Variants in LRRC63 observed in about 807,000 individuals in gnomAD.
The protein encoded by LRRC63 is leucine-rich repeat-containing protein 63.
LRRC63 carries 40 observed loss-of-function variants against 49.5 expected under a neutral mutation model. That is an observed-to-expected ratio of 0.81 (90% CI 0.63 to 1.05). LRRC63 has a LOEUF of 1.05. Among genes scored for constraint, LRRC63 ranks in the 50% least tolerant of loss-of-function variants. The pLI is 0.00. For missense variants in LRRC63, 636 were observed against 663.1 expected, an observed-to-expected ratio of 0.96 and a Z score of 0.45; for synonymous variants, 191 against 221.1, an observed-to-expected ratio of 0.86 and a Z score of 1.21.
chr13:46,270,027 A>G (rs1176034581), intron 9 of LRRC63: 1 of 472,512 alleles, frequency 2.1e-6, no homozygotes, highest in East Asian at 4.0e-5. Context: ...CTATACATGC[A>G]TATCTATAAT....
chr13:46,261,169 G>A (rs115669064), intron 7 of LRRC63, among the ~76,000 whole-genome samples: 1,825 of 152,262 alleles, frequency 0.012, 32 homozygotes, highest in African/African-American at 0.041. Flanking sequence ...TACTTGTCTT[G>A]ATGGAAAGAA....
Position 46,250,587 on chromosome 13 carries a change from CT to C in LRRC63, c.1226+97del, listed in dbSNP as rs1301324947. The C allele has an allele frequency of 2.9e-6, 3 of 1,050,104 alleles. No homozygotes were observed. In the Admixed American group the frequency reaches 8.7e-5, roughly 31 times the overall value. The allele number at this position is 1,050,104 out of a possible 1,614,324, so 65.0% of individuals were successfully genotyped here. ...TTCAAAGCAGCTAGCAGCTTTTTGG[CT>C]ATTTAGTAATTTGTATTCTATTCTA... On this transcript the variant is annotated intron_variant, in intron 7 of 9. Coordinates refer to ENST00000595396, the Ensembl canonical transcript of LRRC63.
chr13:46,236,368 A>C lies in LRRC63; in HGVS notation c.990+2019A>C, dbSNP rs553608865. ...TAATTGCCAAGAAATCCACAATGAG[A>C]CATATAATCTAATTGTCAAAAGCCA... On this transcript the variant is annotated intron_variant, in intron 5 of 9. Coordinates refer to ENST00000595396, the Ensembl canonical transcript of LRRC63. Among the ~76,000 whole-genome samples, 5 of 152,278 alleles carry C rather than the reference A, an allele frequency of 3.3e-5. No homozygotes were observed. The East Asian group carries it at 9.6e-4, about 29-fold the overall frequency.
At chr13:46,243,772 C>T (rs7327610) in intron 5 of LRRC63, among the ~76,000 whole-genome samples, 4,435 of 152,244 alleles carry the variant, frequency 0.029, 237 homozygotes, top group African/African-American at 0.1. Flanking sequence ...CCACTGCACC[C>T]GGCCCTTGGT....
chr13:46,250,590 T>C, intron 7 of LRRC63, 99 bp downstream of exon 7: 2 of 1,028,842 alleles, frequency 1.9e-6, no homozygotes, highest in Non-Finnish European at 2.8e-6. Context: ...TTTTTGGCTA[T>C]TTAGTAATTT....
At chr13:46,251,885 A>G (rs957550451) in intron 7 of LRRC63, among the ~76,000 whole-genome samples, 2 of 151,956 alleles carry the variant, frequency 1.3e-5, no homozygotes, top group African/African-American at 4.8e-5. Flanking sequence ...GATTATAACT[A>G]AAAGGTCAAC....
chr13:46,270,055 G>T, intron 9 of LRRC63: 1 of 556,586 alleles, frequency 1.8e-6, no homozygotes. Flanking sequence ...AATTTATAGG[G>T]GTGGTGGCGC....
chr13:46,255,729 G>T, intron 7 of LRRC63, among the ~76,000 whole-genome samples: 1 of 148,814 alleles, frequency 6.7e-6, no homozygotes, highest in African/African-American at 2.5e-5. Context: ...AAAATTTTTA[G>T]GTATAATTTA....
chr13:46,239,467 A>C (rs1362492521), intron 5 of LRRC63, among the ~76,000 whole-genome samples: 1 of 152,176 alleles, frequency 6.6e-6, no homozygotes, highest in African/African-American at 2.4e-5. Flanking sequence ...CAGACCAATA[A>C]TGAGCTCCAA....
intron 2 of LRRC63, 128 bp downstream of exon 2, chr13:46,213,247 T>C: frequency 4.8e-6 from 3 of 625,826 alleles, no homozygotes; most frequent in Non-Finnish European, 8.1e-6. Context: ...TGTCAGGTGA[T>C]AACATCCAAT....
chr13:46,248,033 C>T (rs1703350560), intron 6 of LRRC63, among the ~76,000 whole-genome samples: 1 of 151,670 alleles, frequency 6.6e-6, no homozygotes, highest in African/African-American at 2.4e-5. Flanking sequence ...ATTTTCATAT[C>T]TCACTGGAAT....
intron 7 of LRRC63, among the ~76,000 whole-genome samples, chr13:46,258,351 G>A (rs192058516): frequency 1.0e-3 from 151 of 150,040 alleles, no homozygotes; most frequent in Non-Finnish European, 1.8e-3. Context: ...GGCTGGTCTT[G>A]AACTCCTGAC....
At chr13:46,246,705 C>T (rs2047223710) in intron 6 of LRRC63, 80 bp downstream of exon 6, 1 of 625,634 alleles carries the variant, frequency 1.6e-6, no homozygotes. Flanking sequence ...TCTTTTAATA[C>T]CTTGAAGTTA....
At chr13:46,232,640 A>AG (rs1307512004) in intron 4 of LRRC63, among the ~76,000 whole-genome samples, 1 of 152,196 alleles carries the variant, frequency 6.6e-6, no homozygotes, top group Non-Finnish European at 1.5e-5. Flanking sequence ...ACACGTTGAG[A>AG]GAAAGATAGA....
At chr13:46,268,150 C>A (rs1722497384) in intron 9 of LRRC63, among the ~76,000 whole-genome samples, 1 of 151,770 alleles carries the variant, frequency 6.6e-6, no homozygotes, top group Non-Finnish European at 1.5e-5. Context: ...CAACTGTGAC[C>A]AGGAAAATAT....
At chr13:46,256,013 T>A (rs1020623843) in intron 7 of LRRC63, among the ~76,000 whole-genome samples, 15 of 152,208 alleles carry the variant, frequency 9.9e-5, no homozygotes, top group African/African-American at 3.1e-4. Flanking sequence ...TTTTGGGGAT[T>A]CACCCATGTT....
At chr13:46,229,280 A>G (rs17067864) in intron 4 of LRRC63, among the ~76,000 whole-genome samples, 7,679 of 152,290 alleles carry the variant, frequency 0.05, 401 homozygotes, top group African/African-American at 0.14. Context: ...TTTTTCCATT[A>G]CTAAGTAGTT....
At chr13:46,270,178 G>T in intron 9 of LRRC63, 1 of 760,134 alleles carries the variant, frequency 1.3e-6, no homozygotes. Flanking sequence ...GATCTTGTAA[G>T]GACCACTGTA....
rs1352521469 is a variant in LRRC63 at position 46,219,411 on chromosome 13, A to G, written c.85+6292A>G. On this transcript the variant is annotated intron_variant, in intron 2 of 9. Transcript: ENST00000595396. ...TCGATTTGGCTTTTGATACTTGTGT[A>G]TGCTTCACGAAGTTCTTGTGCTGTG... is the stretch of plus-strand genomic sequence containing the variant. Among the ~76,000 whole-genome samples, 3 of 152,160 alleles carry G rather than the reference A, an allele frequency of 2.0e-5. No individual in the cohort carries two copies. In the East Asian group the frequency reaches 5.8e-4, roughly 29 times the overall value.
Sources: allele counts gnomAD v4.1 joint callset (sites outside exome capture counted in the v4.1 genomes callset), GRCh38; gene constraint gnomAD v4.1.1; transcripts MANE v1.5; gene names NCBI Gene and HGNC (gene_info 2026-07-23, HGNC 2026-07-21).